Variants in PCCB observed in about 807,000 individuals in gnomAD.
The protein encoded by PCCB is propionyl-CoA carboxylase subunit beta, also known as propionyl-CoA carboxylase beta chain, mitochondrial.
In PCCB, 43 loss-of-function variants were observed where a neutral mutation model predicts 60.7. That is an observed-to-expected ratio of 0.71 (90% CI 0.55 to 0.91). The LOEUF (loss-of-function observed/expected upper bound fraction) is 0.91. PCCB is among the 40% of genes least tolerant of loss of function. The pLI is 0.00. For missense variants in PCCB, 766 were observed against 702.8 expected, an observed-to-expected ratio of 1.09 and a Z score of -1.02; for synonymous variants, 276 against 255.9, an observed-to-expected ratio of 1.08 and a Z score of -0.75.
rs3994953 is a variant in PCCB at position 136,254,518 on chromosome 3, CTTTTTTTTT to C, written c.184-1316_184-1308del. Among the ~76,000 whole-genome samples the C allele has an allele frequency of 3.9e-3, 181 of 45,926 alleles. 1 individual carries two copies. The highest frequency in any genetic ancestry group is 0.019 in the Middle Eastern group (1 of 54). The allele number at this position is 45,926 out of a possible 152,430, so 30.1% of individuals were successfully genotyped here. A position where few individuals can be genotyped will look rare whatever the true frequency, so the allele number is the denominator to read the frequency against. On this transcript the variant is annotated intron_variant, in intron 1 of 14. Transcript: ENST00000251654. ...TACAGGTGTGAGCCACTGCGGCTAG[CTTTTTTTTT>C]TTTTTTTTTTTTTTTTTTTTTAAAA...
chr3:136,251,061 T>C (rs1330293183), intron 1 of PCCB, among the ~76,000 whole-genome samples: 2 of 152,180 alleles, frequency 1.3e-5, no homozygotes, highest in African/African-American at 2.4e-5. Context: ...CAGGAACTTG[T>C]GGAACTTCTG....
rs570144970 is a variant in PCCB, at chr3:136,327,605, C to T, written c.1300-29C>T. 3.9e-6 allele frequency: 6 copies of T among 1,540,334 alleles called. No individual in the cohort carries two copies. In the South Asian group the frequency reaches 5.6e-5, roughly 14 times the overall value. ...GGACATGATCTGGCTGTCTCAGGCT[C>T]TAACACTCAGCATTTGGATCTGTTT... On this transcript the variant is annotated intron_variant, in intron 12 of 14. Coordinates refer to ENST00000251654, the MANE Select transcript of PCCB (RefSeq NM_000532.5).
At chr3:136,267,460 G>C (rs1353980345) in intron 5 of PCCB, among the ~76,000 whole-genome samples, 1 of 152,082 alleles carries the variant, frequency 6.6e-6, no homozygotes, top group Non-Finnish European at 1.5e-5. Flanking sequence ...CGAAGTGCAG[G>C]GATTACAAGC....
At chr3:136,266,744 C>A (rs1400319820) in intron 5 of PCCB, among the ~76,000 whole-genome samples, 1 of 152,078 alleles carries the variant, frequency 6.6e-6, no homozygotes, top group Admixed American at 6.6e-5. Flanking sequence ...GATCTTTTGT[C>A]CATCTCGTAA....
Position 136,326,857 on chromosome 3 carries a change from A to G in PCCB, c.1145A>G (p.Asp382Gly), listed in dbSNP as rs201138170. Residue 382 changes from aspartate to glycine, a missense_variant, in exon 11 of 15, where the codon GAT becomes GGT. Asp to Gly is a moderately conservative substitution (Grantham distance 94). Coordinates refer to ENST00000251654, the MANE Select transcript of PCCB (RefSeq NM_000532.5). ...VKGARFVRFCDAFNIPLITFV... is the reference protein window; with the variant it reads ...VKGARFVRFCGAFNIPLITFV... ...GGGGCTCGTTTTGTCAGATTCTGTGATGCATTCAATATTCCACTCATCACT... is the reference window on the plus strand; with the variant it reads ...GGGGCTCGTTTTGTCAGATTCTGTGGTGCATTCAATATTCCACTCATCACT... 1.4e-5 allele frequency: 22 copies of G among 1,613,414 alleles called. No homozygotes were observed. Among genetic ancestry groups the G allele is most frequent in the Non-Finnish European group, 7.6e-6 (9 of 1,179,480 alleles).
At chr3:136,292,063 T>G (rs1214227995) in intron 6 of PCCB, among the ~76,000 whole-genome samples, 1 of 152,202 alleles carries the variant, frequency 6.6e-6, no homozygotes, top group African/African-American at 2.4e-5. Context: ...ATTTGCCAGT[T>G]GGTCTCCAGT....
chr3:136,282,558 C>T (rs943937219), intron 5 of PCCB, among the ~76,000 whole-genome samples: 20 of 152,196 alleles, frequency 1.3e-4, no homozygotes, highest in African/African-American at 4.3e-4. Flanking sequence ...TCTGGTAAGA[C>T]AGGAACTTTG....
At chr3:136,300,796 A>AT (rs1049447865) in intron 8 of PCCB, among the ~76,000 whole-genome samples, 44 of 152,242 alleles carry the variant, frequency 2.9e-4, no homozygotes, top group African/African-American at 1.1e-3. Flanking sequence ...GAATAAACTC[A>AT]TTTTTTCCTC....
intron 9 of PCCB, among the ~76,000 whole-genome samples, chr3:136,314,778 G>C (rs983941347): frequency 6.6e-6 from 1 of 152,216 alleles, no homozygotes; most frequent in African/African-American, 2.4e-5. Flanking sequence ...GCTAAACCTA[G>C]TGGATGAAGA....
chr3:136,292,644 ATGTGTATTGAACACAG>A (rs1195847068), intron 6 of PCCB, among the ~76,000 whole-genome samples: 2 of 152,202 alleles, frequency 1.3e-5, no homozygotes, highest in African/African-American at 4.8e-5. Flanking sequence ...ATTGAACTCT[ATGTGTATTGAACACAG>A]TGTGTATTGA....
chr3:136,274,361 A>C lies in PCCB; in HGVS notation c.544-9476A>C, dbSNP rs933521681. Among the ~76,000 whole-genome samples, 20 of 152,140 alleles carry C rather than the reference A, an allele frequency of 1.3e-4. 1 individual carries two copies. Among genetic ancestry groups the C allele is most frequent in the Non-Finnish European group, 1.0e-4 (7 of 68,014 alleles). ...CATTTGTTTATCTGAAAATGGCTTT[A>C]TCTCTCCTTCATTTAGGAAACTTAG... On this transcript the variant is annotated intron_variant, in intron 5 of 14. Transcript: ENST00000251654.
At chr3:136,261,930 A>G in intron 4 of PCCB, 22 bp from the exon 5 acceptor site, 1 of 1,446,196 alleles carries the variant, frequency 6.9e-7, no homozygotes, top group South Asian at 1.2e-5. Flanking sequence ...TGTCTCAATA[A>G]AAGATTTCTC....
At chr3:136,323,097 T>TA (rs1038539315) in intron 10 of PCCB, among the ~76,000 whole-genome samples, 6 of 151,980 alleles carry the variant, frequency 3.9e-5, no homozygotes, top group Non-Finnish European at 7.4e-5. Flanking sequence ...GTATTCTTCT[T>TA]AGAGTTAGTT....
At chr3:136,268,087 G>GATATAGATATAT (rs1313121628) in intron 5 of PCCB, among the ~76,000 whole-genome samples, 161 of 93,748 alleles carry the variant, frequency 1.7e-3, no homozygotes, top group African/African-American at 7.2e-3. Context: ...TGTGTGTGTA[G>GATATAGATATAT]ATATATATAT....
chr3:136,264,707 A>G (rs572383204), intron 5 of PCCB, among the ~76,000 whole-genome samples: 1 of 149,630 alleles, frequency 6.7e-6, no homozygotes, highest in Non-Finnish European at 1.5e-5. Flanking sequence ...CCCCATCTCT[A>G]CTAAAAAAAA....
chr3:136,300,979 G>T, intron 8 of PCCB, 51 bp from the exon 9 acceptor site: 1 of 1,384,968 alleles, frequency 7.2e-7, no homozygotes. Flanking sequence ...TCCCACAAAA[G>T]GTAACTGGCT....
intron 9 of PCCB, among the ~76,000 whole-genome samples, chr3:136,315,522 G>A (rs975712907): frequency 1.3e-5 from 2 of 151,934 alleles, no homozygotes; most frequent in Admixed American, 1.3e-4. Context: ...GCGAGACTCC[G>A]TCTCAAACAA....
chr3:136,299,379 CATATGTATGT>C (rs1462034325), intron 8 of PCCB, among the ~76,000 whole-genome samples: 1 of 151,650 alleles, frequency 6.6e-6, no homozygotes, highest in African/African-American at 2.4e-5. Flanking sequence ...GGTATATATG[CATATGTATGT>C]ATATGTATGC....
At chr3:136,255,789 A>G (rs1225031690) in intron 1 of PCCB, 67 bp from the exon 2 acceptor site, 1 of 1,435,346 alleles carries the variant, frequency 7.0e-7, no homozygotes. Flanking sequence ...CCTCCCATGA[A>G]CAGCCCTTGC....
Sources: gnomAD v4.1 joint callset for allele counts (sites outside exome capture counted in the v4.1 genomes callset) on GRCh38, gnomAD v4.1.1 for gene constraint, MANE v1.5 for transcripts, NCBI Gene and HGNC (gene_info 2026-07-23, HGNC 2026-07-21) for gene names.